XIST: variants seen among roughly 807,000 people sequenced by gnomAD.
XIST encodes X inactive specific transcript.
At chrX:73,820,964 T>C in exon 6 of XIST, 2 of 559,050 alleles carry the variant, frequency 3.6e-6, no homozygotes, top group Non-Finnish European at 6.5e-6. Flanking sequence ...TTTATGTGAA[T>C]AAAGCAGATG....
At chrX:73,845,497 G>C (rs755677532) in exon 1 of XIST, 4 of 556,974 alleles carry the variant, frequency 7.2e-6, no homozygotes, top group Non-Finnish European at 1.3e-5. Flanking sequence ...CTGGTGGAAG[G>C]GAAAGGAAGA....
At chrX:73,831,072 G>A (rs374081475) in exon 4 of XIST, 9 of 556,108 alleles carry the variant, frequency 1.6e-5, no homozygotes, top group South Asian at 2.2e-5. Flanking sequence ...GCACCTTGAC[G>A]TGTGGTGGTT....
exon 1 of XIST, chrX:73,848,134 TAA>T: frequency 1.8e-6 from 1 of 558,622 alleles, no homozygotes; most frequent in Non-Finnish European, 3.2e-6. Context: ...ACTGTAATGC[TAA>T]GAGGGTGTGA....
At chrX:73,845,349 G>A in exon 1 of XIST, 1 of 551,790 alleles carries the variant, frequency 1.8e-6, no homozygotes. Flanking sequence ...TGCAAAAAGG[G>A]TCTGAGAGTA....
At chrX:73,844,731 C>T (rs377274917) in exon 1 of XIST, 1 of 558,377 alleles carries the variant, frequency 1.8e-6, no homozygotes. Flanking sequence ...GGAAAATGGG[C>T]CTTGGTTATC....
exon 1 of XIST, chrX:73,845,039 C>G (rs1304470670): frequency 7.2e-6 from 4 of 556,826 alleles, no homozygotes; most frequent in South Asian, 6.7e-5. Flanking sequence ...TATCAGCACA[C>G]CTACTGTACT....
At chrX:73,832,370 T>A (rs1483750277) in intron 3 of XIST, among the ~76,000 whole-genome samples, 2 of 109,758 alleles carry the variant, frequency 1.8e-5, no homozygotes, top group African/African-American at 6.6e-5. Flanking sequence ...GTTAAGCAAA[T>A]CTATGCAGAA....
intron 2 of XIST, among the ~76,000 whole-genome samples, chrX:73,835,270 T>A (rs941262309): frequency 8.9e-6 from 1 of 112,204 alleles, no homozygotes; most frequent in African/African-American, 3.2e-5. Context: ...TAGGACCACG[T>A]TGCCAGATTA....
At chrX:73,839,065 A>C (rs1922540918) in intron 1 of XIST, among the ~76,000 whole-genome samples, 1 of 111,636 alleles carries the variant, frequency 9.0e-6, no homozygotes, top group Non-Finnish European at 1.9e-5. Context: ...ATATAAGAAT[A>C]TTTTAGCAGT....
chrX:73,845,696 T>C (rs749435374), exon 1 of XIST: 7 of 553,748 alleles, frequency 1.3e-5, no homozygotes, highest in South Asian at 9.0e-5. Context: ...CGCACATTAA[T>C]GTCCAATAAT....
chrX:73,833,531 A>G lies in XIST; in HGVS notation n.11407-157T>C, dbSNP rs1922425559. 1.4e-5 allele frequency: 5 copies of G among 348,202 alleles called. No individual in the cohort carries two copies. The South Asian group carries it at 3.4e-4, about 24-fold the overall frequency. The allele number at this position is 348,202 out of a possible 1,213,427, so 28.7% of individuals were successfully genotyped here. The stretch of plus-strand genomic sequence containing the variant: ...ACTTTCTAGCCTGCTTGGTCTCCCT[A>G]AAGTCCTCTAATGACAAGCCCTGGC... On this transcript the variant is annotated intron_variant and non_coding_transcript_variant, in intron 2 of 5. Transcript: ENST00000429829.
chrX:73,822,321 A>G (rs1200699032), exon 6 of XIST: 3 of 553,168 alleles, frequency 5.4e-6, no homozygotes, highest in African/African-American at 2.2e-5. Flanking sequence ...GAGTGGTAGA[A>G]GAGATACGGA....
At chrX:73,829,560 G>T in intron 4 of XIST, 1 of 144,878 alleles carries the variant, frequency 6.9e-6, no homozygotes, top group Non-Finnish European at 1.4e-5. Flanking sequence ...GGAGGTTGAG[G>T]TGGGCGGATC....
intron 2 of XIST, among the ~76,000 whole-genome samples, chrX:73,836,570 T>C (rs1472597174): frequency 9.0e-6 from 1 of 111,707 alleles, no homozygotes; most frequent in Non-Finnish European, 1.9e-5. Context: ...ATACAGATGG[T>C]TATATATATT....
At chrX:73,844,408 C>T (rs1271545583) in exon 1 of XIST, 5 of 556,337 alleles carry the variant, frequency 9.0e-6, no homozygotes, top group Non-Finnish European at 1.3e-5. Flanking sequence ...ATCTAGTACA[C>T]AAGAATATAG....
exon 6 of XIST, chrX:73,826,457 C>A (rs1569511659): frequency 1.8e-6 from 1 of 558,313 alleles, no homozygotes; most frequent in Non-Finnish European, 3.2e-6. Flanking sequence ...TATAGCCTAA[C>A]AAATAGGTAA....
At chrX:73,850,659 C>A in exon 1 of XIST, 1 of 476,545 alleles carries the variant, frequency 2.1e-6, no homozygotes, top group Non-Finnish European at 3.7e-6. Flanking sequence ...CCCATGGCAA[C>A]AGTGCAGTGC....
At chrX:73,852,098 G>A (rs1222719421) in exon 1 of XIST, 18 of 497,797 alleles carry the variant, frequency 3.6e-5, no homozygotes, top group African/African-American at 1.2e-4. Flanking sequence ...CGATGGGCAA[G>A]GAAAAATAAA....
At chrX:73,845,815 G>A in exon 1 of XIST, 1 of 547,338 alleles carries the variant, frequency 1.8e-6, no homozygotes, top group Non-Finnish European at 3.3e-6. Context: ...AAGACTGGGA[G>A]TGGGGGTGGG....
Sources: allele counts gnomAD v4.1 joint callset (sites outside exome capture counted in the v4.1 genomes callset), GRCh38; gene constraint gnomAD v4.1.1; transcripts MANE v1.5; gene names NCBI Gene and HGNC (gene_info 2026-07-23, HGNC 2026-07-21).